Variants in SLC36A1 observed in about 807,000 individuals in gnomAD.
SLC36A1 encodes solute carrier family 36 member 1, also known as proton-coupled amino acid transporter 1.
Under a neutral mutation model 47.5 loss-of-function variants are expected in SLC36A1, and 30 were observed. The ratio of observed to expected loss-of-function variants is 0.63; its 90% CI spans 0.47 to 0.86. The LOEUF is 0.86. Among genes scored for constraint, SLC36A1 ranks in the 40% least tolerant of loss-of-function variants. SLC36A1 has a pLI of 0.00. For synonymous variants in SLC36A1, 255 were observed against 249.7 expected, an observed-to-expected ratio of 1.02 and a Z score of -0.20; for missense variants, 517 against 606.0, an observed-to-expected ratio of 0.85 and a Z score of 1.54.
the SLC36A1 span, chr5:151,347,436 C>T: frequency 3.1e-6 from 5 of 1,614,104 alleles, no homozygotes; most frequent in Admixed American, 1.7e-5. Context: ...CCCTGGGGAC[C>T]CTCAGTACTT....
At chr5:151,357,280 A>G in the SLC36A1 span, among the ~76,000 whole-genome samples, 1 of 152,226 alleles carries the variant, frequency 6.6e-6, no homozygotes, top group Non-Finnish European at 1.5e-5. Flanking sequence ...AATAGGTGGT[A>G]GGTAGTGAGA....
the SLC36A1 span, among the ~76,000 whole-genome samples, chr5:151,522,639 T>G: frequency 1.3e-5 from 2 of 152,128 alleles, no homozygotes; most frequent in African/African-American, 2.4e-5. Context: ...GATAAAATGC[T>G]GGGAAGGAAA....
At chr5:151,500,299 C>G in the SLC36A1 span, among the ~76,000 whole-genome samples, 1 of 152,190 alleles carries the variant, frequency 6.6e-6, no homozygotes, top group African/African-American at 2.4e-5. Flanking sequence ...TTAGGGGTCC[C>G]TCAGTTTATC....
At chr5:151,528,162 G>A in the SLC36A1 span, 1 of 1,609,996 alleles carries the variant, frequency 6.2e-7, no homozygotes, top group Non-Finnish European at 8.5e-7. Context: ...ATTGTGAATG[G>A]AGGGACAGGA....
chr5:151,500,953 G>T, the SLC36A1 span, among the ~76,000 whole-genome samples: 1 of 152,232 alleles, frequency 6.6e-6, no homozygotes, highest in East Asian at 1.9e-4. Flanking sequence ...AAAAGGAGAA[G>T]GCGGGGCCTG....
the SLC36A1 span, chr5:151,380,281 T>A: frequency 3.9e-6 from 1 of 254,614 alleles, no homozygotes; most frequent in Non-Finnish European, 7.9e-6. Flanking sequence ...GGTCCGGAGT[T>A]CGAGACCAGC....
the SLC36A1 span, among the ~76,000 whole-genome samples, chr5:151,502,412 T>C: frequency 6.7e-6 from 1 of 148,338 alleles, no homozygotes; most frequent in Non-Finnish European, 1.5e-5. Flanking sequence ...GATAAAATAC[T>C]GTTTTCTAAA....
downstream of SLC36A1, among the ~76,000 whole-genome samples, chr5:151,495,545 T>G (rs539310735): frequency 6.6e-6 from 1 of 152,270 alleles, no homozygotes; most frequent in East Asian, 1.9e-4. Context: ...GTGTGTGTGT[T>G]TGTGTATAGC....
At chr5:151,466,512 C>T (rs191070791) in intron 5 of SLC36A1, among the ~76,000 whole-genome samples, 10 of 150,354 alleles carry the variant, frequency 6.7e-5, no homozygotes, top group East Asian at 1.9e-4. Context: ...CATTTAAGAA[C>T]GGTCTATAAT....
At chr5:151,540,220 A>G in the SLC36A1 span, among the ~76,000 whole-genome samples, 1 of 152,138 alleles carries the variant, frequency 6.6e-6, no homozygotes, top group African/African-American at 2.4e-5. Context: ...GTATATCCCT[A>G]TGGGGGCCAA....
the SLC36A1 span, among the ~76,000 whole-genome samples, chr5:151,373,170 TGC>T: frequency 6.6e-6 from 1 of 152,010 alleles, no homozygotes; most frequent in Non-Finnish European, 1.5e-5. Flanking sequence ...CAGTGGTGTA[TGC>T]CTGTAGTCCC....
chr5:151,526,048 G>C, the SLC36A1 span: 1 of 1,327,944 alleles, frequency 7.5e-7, no homozygotes, highest in South Asian at 1.3e-5. Context: ...ATGTCATCTG[G>C]AATGAGTCCT....
chr5:151,351,851 T>G, the SLC36A1 span, among the ~76,000 whole-genome samples: 29,385 of 151,972 alleles, frequency 0.19, 3,122 homozygotes, highest in Non-Finnish European at 0.24. Flanking sequence ...TTCCTCACAA[T>G]AGCAAATGAT....
chr5:151,507,478 C>G, the SLC36A1 span: 1 of 1,614,098 alleles, frequency 6.2e-7, no homozygotes, highest in Non-Finnish European at 8.5e-7. Flanking sequence ...AAGAGAAGCC[C>G]GACAGTGCTT....
the SLC36A1 span, chr5:151,380,501 GC>G: frequency 2.1e-6 from 1 of 485,854 alleles, no homozygotes. Context: ...CAGTTATGAT[GC>G]CCTGCGGCAG....
intron 1 of SLC36A1, among the ~76,000 whole-genome samples, chr5:151,457,791 A>T (rs1357684185): frequency 6.6e-6 from 1 of 151,482 alleles, no homozygotes; most frequent in Non-Finnish European, 1.5e-5. Context: ...ATTTGGTGGG[A>T]GTTTCAGCAG....
the SLC36A1 span, among the ~76,000 whole-genome samples, chr5:151,361,345 ATTC>A: frequency 6.6e-6 from 1 of 152,226 alleles, no homozygotes; most frequent in African/African-American, 2.4e-5. Flanking sequence ...GCAACATTGT[ATTC>A]TTTATTGAGC....
chr5:151,426,258 G>A, the SLC36A1 span, among the ~76,000 whole-genome samples: 1 of 152,158 alleles, frequency 6.6e-6, no homozygotes, highest in Non-Finnish European at 1.5e-5. Flanking sequence ...AGAAAGAACA[G>A]TGGGCCCAGG....
At chr5:151,435,556 G>T (rs62377464), upstream of SLC36A1, among the ~76,000 whole-genome samples, 23,609 of 152,042 alleles carry the variant, frequency 0.16, 2,357 homozygotes, top group Non-Finnish European at 0.22. Context: ...AAAATGGAAT[G>T]CAGTGAATAG....
Sources: gnomAD v4.1 joint callset for allele counts (sites outside exome capture counted in the v4.1 genomes callset) on GRCh38, gnomAD v4.1.1 for gene constraint, MANE v1.5 for transcripts, NCBI Gene and HGNC (gene_info 2026-07-23, HGNC 2026-07-21) for gene names.